SPRY3: variants seen among roughly 807,000 people sequenced by gnomAD.
The protein encoded by SPRY3 is protein sprouty homolog 3.
A neutral mutation model predicts 20.2 loss-of-function variants in SPRY3; 15 were observed. The observed-to-expected ratio is 0.74, with a 90% CI of 0.50 to 1.14. The LOEUF (loss-of-function observed/expected upper bound fraction) is 1.14. Ranked by LOEUF, SPRY3 falls within the 50% of genes most tolerant of loss-of-function variation. SPRY3 has a pLI of 0.00. For missense variants in SPRY3, 364 were observed against 363.9 expected (o/e 1.00, Z 0.00); for synonymous variants, 143 against 136.5 (o/e 1.05, Z -0.33).
chrX:155,628,321 A>G (rs2067894628), intron 1 of SPRY3, among the ~76,000 whole-genome samples: 1 of 111,935 alleles, frequency 8.9e-6, no homozygotes, highest in Non-Finnish European at 1.9e-5. Context: ...AACAAAGGCA[A>G]AAATTAACAA....
At chrX:155,694,303 G>A (rs974511521) in intron 2 of SPRY3, among the ~76,000 whole-genome samples, 3 of 111,131 alleles carry the variant, frequency 2.7e-5, no homozygotes, top group Non-Finnish European at 3.8e-5. Flanking sequence ...GTGTGTGTAC[G>A]TGTTTGTGAT....
exon 4 of SPRY3, chrX:155,775,332 CCTT>C (rs1424475653): frequency 5.9e-6 from 1 of 168,874 alleles, no homozygotes; most frequent in African/African-American, 2.4e-5. Context: ...CTTCTCCCCT[CCTT>C]CTTTTTCAGA....
At chrX:155,765,626 T>C (rs2091323215) in intron 2 of SPRY3, among the ~76,000 whole-genome samples, 1 of 152,136 alleles carries the variant, frequency 6.6e-6, no homozygotes, top group Non-Finnish European at 1.5e-5. Flanking sequence ...TTAACTTTTT[T>C]TGTCATGGGT....
At chrX:155,708,862 G>A (rs2090968789) in intron 2 of SPRY3, among the ~76,000 whole-genome samples, 2 of 150,890 alleles carry the variant, frequency 1.3e-5, no homozygotes, top group South Asian at 4.2e-4. Flanking sequence ...CTATTTTTTG[G>A]TACCCATTAA....
rs1194971444 is a variant in SPRY3, at chrX:155,659,119, C to CTTTA, written c.-282+2097_-282+2098insATTT. 2.5e-3 allele frequency among the ~76,000 whole-genome samples: 238 copies of CTTTA among 96,210 alleles called. 1 individual carries two copies. Among genetic ancestry groups the CTTTA allele is most frequent in the Non-Finnish European group, 4.2e-3 (204 of 48,770 alleles). The allele number at this position is 96,210 out of a possible 115,157, so 83.5% of individuals were successfully genotyped here. A position where few individuals can be genotyped will look rare whatever the true frequency, so the allele number is the denominator to read the frequency against. ...TTTTTTCTTTCTTCTTTCTTTCTTTCTTTCTTTCTTTCTTTCTTTCTTTCT... is the reference window on the plus strand; with the variant it reads ...TTTTTTCTTTCTTCTTTCTTTCTTTCTTTATTTCTTTCTTTCTTTCTTTCTTTCT... On this transcript the variant is annotated intron_variant, in intron 2 of 3. Transcript: ENST00000675360.
chrX:155,659,601 A>G (rs1380034718), intron 2 of SPRY3, among the ~76,000 whole-genome samples: 6 of 111,130 alleles, frequency 5.4e-5, no homozygotes, highest in African/African-American at 2.0e-4. Flanking sequence ...TTTGGAAACT[A>G]TTTCAGTAAG....
intron 1 of SPRY3, among the ~76,000 whole-genome samples, chrX:155,648,330 T>G (rs1394438052): frequency 2.7e-5 from 3 of 112,834 alleles, no homozygotes; most frequent in Non-Finnish European, 5.6e-5. Flanking sequence ...AATGTTGGCT[T>G]TTGTTACCGT....
intron 2 of SPRY3, among the ~76,000 whole-genome samples, chrX:155,716,233 C>T (rs191064697): frequency 6.6e-6 from 1 of 152,238 alleles, no homozygotes; most frequent in East Asian, 1.9e-4. Context: ...TGATTCCTTC[C>T]TTTGCCATCC....
intron 2 of SPRY3, among the ~76,000 whole-genome samples, chrX:155,704,421 C>T (rs1422147201): frequency 6.6e-6 from 1 of 151,530 alleles, no homozygotes; most frequent in Non-Finnish European, 1.5e-5. Flanking sequence ...GGACAAAATC[C>T]ATAGACCTTA....
intron 2 of SPRY3, among the ~76,000 whole-genome samples, chrX:155,726,268 T>C (rs1267332985): frequency 6.6e-6 from 1 of 152,168 alleles, no homozygotes; most frequent in Admixed American, 6.6e-5. Context: ...ATAACTGCGA[T>C]GTGGTGCTGA....
chrX:155,664,764 T>TAC (rs782003955), intron 2 of SPRY3, among the ~76,000 whole-genome samples: 1 of 109,436 alleles, frequency 9.1e-6, no homozygotes, highest in Non-Finnish European at 1.9e-5. Flanking sequence ...AAGAGTAGAA[T>TAC]ACATATGTTT....
rs1195901184 is a variant in SPRY3, at chrX:155,734,569, A to C, written c.-281-33393A>C. 2.0e-5 allele frequency among the ~76,000 whole-genome samples: 3 copies of C among 152,040 alleles called. No individual in the cohort carries two copies. In the East Asian group the frequency reaches 5.8e-4, roughly 29 times the overall value. ...ATACTGTAAGAATTACCCAAATGTG[A>C]CACTGAGACATGAAGTGAGTACATG... On this transcript the variant is annotated intron_variant, in intron 2 of 3. Transcript: ENST00000675360.
intron 2 of SPRY3, among the ~76,000 whole-genome samples, chrX:155,739,408 T>C (rs888552547): frequency 3.9e-5 from 6 of 152,166 alleles, no homozygotes; most frequent in African/African-American, 1.2e-4. Context: ...CTGGGTGGTT[T>C]GGACGAGGTG....
intron 2 of SPRY3, among the ~76,000 whole-genome samples, chrX:155,693,371 T>C (rs1283648070): frequency 8.9e-6 from 1 of 112,054 alleles, no homozygotes; most frequent in Non-Finnish European, 1.9e-5. Flanking sequence ...ACTTTATATT[T>C]ATTGAAACTT....
rs764965783 is a variant in SPRY3, at chrX:155,750,237, A to G, written c.-281-17725A>G. The stretch of plus-strand genomic sequence containing the variant: ...AGTGGGAGCTAAACATTGGGTACAC[A>G]TGAACATAAAGATGGCAACAATAGG... On this transcript the variant is annotated intron_variant, in intron 2 of 3. Coordinates refer to ENST00000675360, the Ensembl canonical transcript of SPRY3. Among the ~76,000 whole-genome samples the G allele has an allele frequency of 9.9e-5, 15 of 151,998 alleles. No homozygotes were observed. In the South Asian group the frequency reaches 3.1e-3, roughly 32 times the overall value.
chrX:155,774,570 C>G (rs764073545), exon 4 of SPRY3: 2 of 1,614,014 alleles, frequency 1.2e-6, no homozygotes, highest in Non-Finnish European at 8.5e-7. Context: ...TCTTCCTACC[C>G]TGCCTGTGCT....
exon 4 of SPRY3, chrX:155,775,392 GTC>G (rs2091418159): frequency 6.0e-6 from 1 of 166,470 alleles, no homozygotes; most frequent in African/African-American, 2.4e-5. Context: ...ATCTATATTT[GTC>G]TCTCTCTACC....
chrX:155,728,157 G>C (rs2091111373), intron 2 of SPRY3, among the ~76,000 whole-genome samples: 1 of 152,178 alleles, frequency 6.6e-6, no homozygotes, highest in South Asian at 2.1e-4. Flanking sequence ...CAGAACAGCA[G>C]ATCTTGCTAC....
chrX:155,719,462 G>T (rs2091042299), intron 2 of SPRY3, among the ~76,000 whole-genome samples: 1 of 152,010 alleles, frequency 6.6e-6, no homozygotes, highest in African/African-American at 2.4e-5. Flanking sequence ...GGGAGCGTGT[G>T]ACCTACTGAG....
Sources: allele counts gnomAD v4.1 joint callset (sites outside exome capture counted in the v4.1 genomes callset), GRCh38; gene constraint gnomAD v4.1.1; transcripts MANE v1.5; gene names NCBI Gene and HGNC (gene_info 2026-07-23, HGNC 2026-07-21).